EEFSEC: variants seen among roughly 807,000 people sequenced by gnomAD.
EEFSEC encodes the protein selenocysteine-specific elongation factor.
EEFSEC carries 43 observed loss-of-function variants against 42.1 expected under a neutral mutation model. The ratio of observed to expected loss-of-function variants is 1.02; its 90% CI spans 0.80 to 1.32. The LOEUF (loss-of-function observed/expected upper bound fraction) is 1.32. EEFSEC is among the 40% of genes most tolerant of loss of function. The pLI, the probability that EEFSEC is intolerant of heterozygous loss-of-function variation, is 0.00. For missense variants in EEFSEC, 745 were observed against 803.6 expected, an observed-to-expected ratio of 0.93 and a Z score of 0.88; for synonymous variants, 354 against 339.1, an observed-to-expected ratio of 1.04 and a Z score of -0.48.
At chr3:128,266,736 T>A (rs2066358425) in intron 4 of EEFSEC, among the ~76,000 whole-genome samples, 1 of 151,844 alleles carries the variant, frequency 6.6e-6, no homozygotes. Flanking sequence ...TTACCTGCTG[T>A]CATGTCCTCC....
At chr3:128,312,606 T>C (rs1258810091) in intron 4 of EEFSEC, among the ~76,000 whole-genome samples, 1 of 152,342 alleles carries the variant, frequency 6.6e-6, no homozygotes, top group East Asian at 1.9e-4. Context: ...TTCCCGCTAA[T>C]GAGAAACAGT....
chr3:128,369,549 A>G (rs1317793052), intron 6 of EEFSEC, among the ~76,000 whole-genome samples: 4 of 152,164 alleles, frequency 2.6e-5, no homozygotes, highest in Admixed American at 6.5e-5. Flanking sequence ...CAGGGCTGGT[A>G]TTGTGCACAC....
intron 4 of EEFSEC, among the ~76,000 whole-genome samples, chr3:128,275,854 G>A: frequency 6.6e-6 from 1 of 152,234 alleles, no homozygotes; most frequent in East Asian, 1.9e-4. Flanking sequence ...GCAGTAGGGA[G>A]GATGTTTGGA....
intron 6 of EEFSEC, among the ~76,000 whole-genome samples, chr3:128,401,789 G>T (rs968023791): frequency 2.6e-5 from 4 of 152,152 alleles, no homozygotes; most frequent in African/African-American, 7.2e-5. Flanking sequence ...GTGGATTCCT[G>T]CGCCCACACC....
At chr3:128,284,975 G>A (rs181268180) in intron 4 of EEFSEC, among the ~76,000 whole-genome samples, 1 of 152,140 alleles carries the variant, frequency 6.6e-6, no homozygotes, top group East Asian at 1.9e-4. Context: ...GGGGAAGAGG[G>A]TAGGGAATAA....
At chr3:128,219,051 A>C (rs1250489373) in intron 1 of EEFSEC, among the ~76,000 whole-genome samples, 1 of 152,180 alleles carries the variant, frequency 6.6e-6, no homozygotes, top group Non-Finnish European at 1.5e-5. Context: ...GGCTATGCCG[A>C]GGCCTGAGCA....
chr3:128,369,179 A>G (rs1461501273), intron 6 of EEFSEC, among the ~76,000 whole-genome samples: 1 of 152,208 alleles, frequency 6.6e-6, no homozygotes, highest in Non-Finnish European at 1.5e-5. Context: ...GACATCACCC[A>G]TGGTTCCACT....
In EEFSEC at chr3:128,264,056, G is replaced by A. The variant is rs6785952; in HGVS notation, c.622-561G>A. On this transcript the variant is annotated intron_variant, in intron 3 of 6. Transcript: ENST00000254730. The stretch of plus-strand genomic sequence containing the variant: ...CTATAGTGATGGGGGCAGGGGAAAC[G>A]TGGCCATACAGAGAAGCCTGTCCAG... 6.4e-3 allele frequency among the ~76,000 whole-genome samples: 980 copies of A among 152,290 alleles called. 12 individuals carry two copies. The highest frequency in any genetic ancestry group is 0.022 in the African/African-American group (930 of 41,556).
chr3:128,370,665 C>G (rs1702128), intron 6 of EEFSEC, among the ~76,000 whole-genome samples: 2 of 152,252 alleles, frequency 1.3e-5, no homozygotes, highest in Middle Eastern at 3.2e-3. Context: ...CAGCCCAGCT[C>G]TGTTTCAGCC....
chr3:128,277,919 A>C (rs1006054640), intron 4 of EEFSEC, among the ~76,000 whole-genome samples: 8 of 152,202 alleles, frequency 5.3e-5, no homozygotes, highest in African/African-American at 1.9e-4. Flanking sequence ...GATTCTGGGC[A>C]AATGCAAAGG....
chr3:128,322,977 G>A (rs1352685998), intron 4 of EEFSEC, among the ~76,000 whole-genome samples: 1 of 152,132 alleles, frequency 6.6e-6, no homozygotes, highest in Non-Finnish European at 1.5e-5. Context: ...GTATTTCCTG[G>A]CATTTTCCCA....
intron 4 of EEFSEC, among the ~76,000 whole-genome samples, chr3:128,285,494 G>A (rs1476093857): frequency 6.6e-6 from 1 of 152,124 alleles, no homozygotes; most frequent in Non-Finnish European, 1.5e-5. Context: ...GAGAGGTAGA[G>A]GGGAGTGAGG....
rs552135510 is a variant in EEFSEC, at chr3:128,247,071, A to C, written c.524+28A>C. On this transcript the variant is annotated intron_variant, in intron 2 of 6. Coordinates refer to ENST00000254730, the MANE Select transcript of EEFSEC (RefSeq NM_021937.5). ...AGGTCTGCTAATGAGAGCAATGTTC[A>C]CTGCATAAGAAGGCTTCTGGGGCCT... The C allele has an allele frequency of 1.1e-5, 18 of 1,610,348 alleles. No individual in the cohort carries two copies. The East Asian group carries it at 3.3e-4, about 30-fold the overall frequency.
chr3:128,367,652 A>C (rs578249313), intron 6 of EEFSEC: 1 of 985,356 alleles, frequency 1.0e-6, no homozygotes, highest in Non-Finnish European at 1.2e-6. Flanking sequence ...CCGATTATGG[A>C]CTTATGTCCC....
chr3:128,289,049 G>C (rs2066615658), intron 4 of EEFSEC, among the ~76,000 whole-genome samples: 1 of 152,200 alleles, frequency 6.6e-6, no homozygotes, highest in South Asian at 2.1e-4. Context: ...GAGCTACAGG[G>C]ATATGTACCA....
intron 6 of EEFSEC, among the ~76,000 whole-genome samples, chr3:128,372,313 TG>T (rs533813651): frequency 1.8e-4 from 28 of 152,272 alleles, no homozygotes; most frequent in African/African-American, 5.8e-4. Context: ...TGGATGATCT[TG>T]GCTTGGGCAG....
Position 128,320,885 on chromosome 3 carries a change from CCT to C in EEFSEC, c.787-20345_787-20344del, listed in dbSNP as rs1166632241. On this transcript the variant is annotated intron_variant, in intron 4 of 6. Transcript: ENST00000254730. ...CACTCCGTCACTGCTGGACTAGTGG[CCT>C]CTGGCTAGTCACCCAAACTCTGGGC... Among the ~76,000 whole-genome samples, 5 of 152,322 alleles carry C rather than the reference CCT, an allele frequency of 3.3e-5. No individual in the cohort carries two copies. In the East Asian group the frequency reaches 9.6e-4, roughly 29 times the overall value.
intron 1 of EEFSEC, among the ~76,000 whole-genome samples, chr3:128,183,704 G>T (rs2065435499): frequency 6.6e-6 from 1 of 152,196 alleles, no homozygotes; most frequent in African/African-American, 2.4e-5. Flanking sequence ...CTGCCTGGTG[G>T]ATAGCGGGTC....
intron 4 of EEFSEC, among the ~76,000 whole-genome samples, chr3:128,295,167 A>AC (rs2107992326): frequency 6.6e-6 from 1 of 152,128 alleles, no homozygotes; most frequent in Non-Finnish European, 1.5e-5. Flanking sequence ...GATTCCAGGC[A>AC]CCCCCAAAAT....
Sources: allele counts gnomAD v4.1 joint callset (sites outside exome capture counted in the v4.1 genomes callset), GRCh38; gene constraint gnomAD v4.1.1; transcripts MANE v1.5; gene names NCBI Gene and HGNC (gene_info 2026-07-23, HGNC 2026-07-21).